The following OBI1 variants were observed in gnomAD, a reference collection of about 807,000 sequenced individuals.
OBI1 encodes the protein ORC ubiquitin ligase 1.
In OBI1, 59 loss-of-function variants were observed where a neutral mutation model predicts 62.4. That is an observed-to-expected ratio of 0.95 (90% confidence interval 0.77 to 1.17). The LOEUF (loss-of-function observed/expected upper bound fraction) is 1.17, where lower values mean the gene tolerates loss of function less well. OBI1 is among the 50% of genes most tolerant of loss of function. OBI1 has a pLI of 0.00. For synonymous variants in OBI1, 302 were observed against 292.8 expected (o/e 1.03, Z -0.32); for missense variants, 875 against 830.9 (o/e 1.05, Z -0.65).
Position 78,641,356 on chromosome 13 carries a change from T to C in OBI1, c.300+766A>G, listed in dbSNP as rs1398947254. Among the ~76,000 whole-genome samples the C allele has an allele frequency of 4.6e-5, 7 of 152,190 alleles. No homozygotes were observed. In the East Asian group the frequency reaches 7.7e-4, roughly 17 times the overall value. Reference sequence around the variant, plus strand: ...ATATGAATAAACATATATTCAATCATGTATTTATACCCCACTGCATTCCAA... The same window carrying C: ...ATATGAATAAACATATATTCAATCACGTATTTATACCCCACTGCATTCCAA... On this transcript the variant is annotated intron_variant, in intron 3 of 5. Transcript: ENST00000282003.
At chr13:78,636,388 T>C (rs183748883) in intron 4 of OBI1, among the ~76,000 whole-genome samples, 2 of 152,318 alleles carry the variant, frequency 1.3e-5, no homozygotes, top group East Asian at 3.9e-4. Flanking sequence ...CATTTACATT[T>C]AAAGTGAATG....
In OBI1 at chr13:78,638,539, A is replaced by T. The variant is rs9601104; in HGVS notation, c.549+284T>A. 4.9e-3 allele frequency among the ~76,000 whole-genome samples: 744 copies of T among 152,348 alleles called. 3 individuals carry two copies. The highest frequency in any genetic ancestry group is 0.017 in the African/African-American group (688 of 41,578). ...ACCACAAAGAGGACGAAACAGAAAC[A>T]CATCCTTTAAATTGGTATTATTCTT... On this transcript the variant is annotated intron_variant, in intron 4 of 5. Transcript: ENST00000282003.
intron 4 of OBI1, 40 bp from the exon 5 acceptor site, chr13:78,635,238 A>C (rs1161769879): frequency 8.1e-7 from 1 of 1,237,336 alleles, no homozygotes; most frequent in South Asian, 1.3e-5. Flanking sequence ...AAAAGCTACA[A>C]TAAAAGTGAC....
At chr13:78,626,333 T>C (rs906943727) in intron 5 of OBI1, among the ~76,000 whole-genome samples, 1 of 152,182 alleles carries the variant, frequency 6.6e-6, no homozygotes, top group Non-Finnish European at 1.5e-5. Flanking sequence ...AAAAGGAAGA[T>C]ACACACACAT....
At chr13:78,649,031 T>C (rs1876469461) in intron 1 of OBI1, among the ~76,000 whole-genome samples, 2 of 152,176 alleles carry the variant, frequency 1.3e-5, no homozygotes, top group African/African-American at 2.4e-5. Flanking sequence ...TGTTATCATA[T>C]ACTGAAGTGG....
intron 4 of OBI1, among the ~76,000 whole-genome samples, chr13:78,637,201 A>T (rs1336759143): frequency 6.6e-6 from 1 of 152,218 alleles, no homozygotes; most frequent in Non-Finnish European, 1.5e-5. Flanking sequence ...TTTATTCTGA[A>T]TCTTTTGTAT....
At chr13:78,644,102 T>A (rs1440311420) in intron 2 of OBI1, among the ~76,000 whole-genome samples, 1 of 152,146 alleles carries the variant, frequency 6.6e-6, no homozygotes, top group East Asian at 1.9e-4. Context: ...TCACCCTTAA[T>A]CCAAACTTAC....
chr13:78,632,405 CTAATA>C (rs1165170814), intron 5 of OBI1, among the ~76,000 whole-genome samples: 1 of 152,106 alleles, frequency 6.6e-6, no homozygotes, highest in Non-Finnish European at 1.5e-5. Flanking sequence ...ATACACCTTC[CTAATA>C]TTTTTCCCTC....
chr13:78,620,238 TAGA>T (rs1462558521), intron 5 of OBI1, among the ~76,000 whole-genome samples: 1 of 152,224 alleles, frequency 6.6e-6, no homozygotes. Context: ...TATACTTCCA[TAGA>T]AGAAGGACAT....
At position 78,635,198 on chromosome 13, in the gene OBI1, C is replaced by A. The variant is rs780883855; in HGVS notation, c.550G>T (p.Ala184Ser). The A allele has an allele frequency of 6.4e-7, 1 of 1,567,444 alleles. No individual in the cohort carries two copies. Among genetic ancestry groups the A allele is most frequent in the Non-Finnish European group, 8.7e-7 (1 of 1,143,248 alleles). Reference protein sequence around the residue: ...VKDDVDKLKEANKKLKLENGG... With the variant: ...VKDDVDKLKESNKKLKLENGG... ...TTTTCCAATTTCAATTTTTTATTTG[C>A]CTAAAATAACAAATTGAAAATAAGT... Residue 184 changes from alanine (A) to serine (S), a missense_variant and splice_region_variant, in exon 5 of 6, where the codon GCA (alanine) becomes TCA (serine). Ala to Ser is a moderately conservative substitution (Grantham distance 99, BLOSUM62 1). Coordinates refer to ENST00000282003, the MANE Select transcript of OBI1 (RefSeq NM_024546.4).
intron 1 of OBI1, among the ~76,000 whole-genome samples, chr13:78,651,522 GGGGGCTCCCTGTTTAT>G (rs547634445): frequency 2.6e-4 from 40 of 152,200 alleles, no homozygotes; most frequent in African/African-American, 9.4e-4. Flanking sequence ...TATGAACACT[GGGGGCTCCCTGTTTAT>G]GGGGCTCCCT....
chr13:78,615,654 C>A lies in OBI1; in HGVS notation c.2107G>T (p.Val703Leu). 1.2e-6 allele frequency: 2 copies of A among 1,613,926 alleles called. No homozygotes were observed. The highest frequency in any genetic ancestry group is 1.7e-6 in the Non-Finnish European group (2 of 1,179,938). Residue 703 changes from valine (V) to leucine (L), a missense_variant, in exon 6 of 6, where the codon GTG (valine) becomes TTG (leucine). Transcript: ENST00000282003. ...ATTTTTCTTTTTGTTGATTGATTCACATTTTTATTCCTCTTTTCAGGCACA... is the reference window on the plus strand; with the variant it reads ...ATTTTTCTTTTTGTTGATTGATTCAAATTTTTATTCCTCTTTTCAGGCACA... ...SFVPEKRNKNVNQSTKRKIQS... is the reference protein window; with the variant it reads ...SFVPEKRNKNLNQSTKRKIQS...
intron 5 of OBI1, among the ~76,000 whole-genome samples, chr13:78,629,324 A>C (rs1299498998): frequency 6.6e-6 from 1 of 152,154 alleles, no homozygotes; most frequent in African/African-American, 2.4e-5. Context: ...TAGAAAGAAA[A>C]GCCATTAATT....
intron 5 of OBI1, chr13:78,620,729 G>A (rs969997306): frequency 2.3e-6 from 1 of 442,150 alleles, no homozygotes; most frequent in Non-Finnish European, 4.5e-6. Context: ...CTTTGAGGTG[G>A]TATAACTAAA....
At position 78,644,912 on chromosome 13, in the gene OBI1, G is replaced by A. The variant is rs758499954; in HGVS notation, c.158C>T (p.Pro53Leu). Residue 53 changes from proline to leucine, a missense_variant, in exon 2 of 6, where the codon CCA (proline) becomes CTA (leucine). Physicochemically the swap from Pro to Leu is moderately conservative, Grantham distance 98. Transcript: ENST00000282003. ...DLWLKNNSQC[P>L]ACRVPITPEN... is the part of the protein sequence containing the mutation. ...AGGAGTGATGGGGACTCTGCAAGCT[G>A]GACACTGGCTATTATTCTTCAACCA... 2 of 1,613,886 alleles carry A rather than the reference G, an allele frequency of 1.2e-6. No homozygotes were observed. The highest frequency in any genetic ancestry group is 1.7e-6 in the Non-Finnish European group (2 of 1,179,880).
intron 5 of OBI1, among the ~76,000 whole-genome samples, chr13:78,622,497 T>C (rs1413315192): frequency 6.6e-6 from 1 of 152,222 alleles, no homozygotes; most frequent in Non-Finnish European, 1.5e-5. Flanking sequence ...GATCCATTCA[T>C]AGAATGGATT....
chr13:78,649,438 T>C (rs1222738756), intron 1 of OBI1, among the ~76,000 whole-genome samples: 2 of 152,196 alleles, frequency 1.3e-5, no homozygotes, highest in Non-Finnish European at 2.9e-5. Context: ...GATGTGACTA[T>C]GGGATTTAAC....
intron 1 of OBI1, 105 bp from the exon 2 acceptor site, chr13:78,645,102 A>C: frequency 1.8e-6 from 2 of 1,100,360 alleles, no homozygotes; most frequent in East Asian, 4.8e-5. Flanking sequence ...GCAGAGTAGG[A>C]GTTTAAGAAG....
chr13:78,656,372 C>A (rs1471424559), intron 1 of OBI1, among the ~76,000 whole-genome samples: 1 of 151,742 alleles, frequency 6.6e-6, no homozygotes, highest in African/African-American at 2.4e-5. Flanking sequence ...TCACCTAGTT[C>A]GGGAGTTCAA....
Sources: gnomAD v4.1 joint callset for allele counts (sites outside exome capture counted in the v4.1 genomes callset) on GRCh38, gnomAD v4.1.1 for gene constraint, MANE v1.5 for transcripts, NCBI Gene and HGNC (gene_info 2026-07-23, HGNC 2026-07-21) for gene names.